Variants in KAT14 observed in about 807,000 individuals in gnomAD.
The protein encoded by KAT14 is cysteine-rich protein 2-binding protein.
KAT14 carries 66 observed loss-of-function variants against 78.4 expected under a neutral mutation model. The observed-to-expected ratio is 0.84, with a 90% CI of 0.69 to 1.03. KAT14 has a LOEUF of 1.03. Among genes scored for constraint, KAT14 ranks in the 50% least tolerant of loss-of-function variants. The pLI is 0.00. For synonymous variants in KAT14, 344 were observed against 359.4 expected (o/e 0.96, Z 0.48); for missense variants, 870 against 972.5 (o/e 0.89, Z 1.40).
intron 4 of KAT14, among the ~76,000 whole-genome samples, chr20:18,156,681 C>T (rs2038239076): frequency 6.6e-6 from 1 of 152,084 alleles, no homozygotes; most frequent in Admixed American, 6.6e-5. Context: ...TATTTTATGC[C>T]TCTCCCCTAG....
chr20:18,158,999 G>T (rs1182228636), intron 4 of KAT14, 85 bp from the exon 5 acceptor site: 3 of 1,452,438 alleles, frequency 2.1e-6, no homozygotes, highest in Non-Finnish European at 1.8e-6. Flanking sequence ...GCATGTTGCA[G>T]GCCAGGAGTC....
chr20:18,161,309 C>T (rs1229912978), intron 5 of KAT14, among the ~76,000 whole-genome samples: 1 of 152,086 alleles, frequency 6.6e-6, no homozygotes, highest in African/African-American at 2.4e-5. Flanking sequence ...CCCACCTCAG[C>T]CTCCCAAAGT....
At position 18,159,238 on chromosome 20, in the gene KAT14, T is replaced by C; in HGVS notation, c.655T>C (p.Leu219=). 2 of 1,614,042 alleles carry C rather than the reference T, an allele frequency of 1.2e-6. No homozygotes were observed. Among genetic ancestry groups the C allele is most frequent in the Non-Finnish European group, 1.7e-6 (2 of 1,180,002 alleles). The change falls in exon 5 of 11, where the codon TTG becomes CTG. Residue 219 remains leucine, a synonymous_variant. Transcript: ENST00000688188. ...PPTMKPEGEK[L]SASTLKIKAS... ...AACGATGAAACCTGAAGGAGAGAAG[T>C]TGTCTGCCTCTACTTTGAAAATAAA... is the stretch of plus-strand genomic sequence containing the variant.
intron 5 of KAT14, 54 bp from the exon 6 acceptor site, chr20:18,161,769 G>C: frequency 4.5e-6 from 7 of 1,558,698 alleles, no homozygotes; most frequent in Non-Finnish European, 6.1e-6. Context: ...ACATGCTTGT[G>C]CCCAAGCATT....
In KAT14 at chr20:18,142,483, G is replaced by T; in HGVS notation, c.-178G>T. 6.9e-7 allele frequency: 1 copy of T among 1,457,482 alleles called. No individual in the cohort carries two copies. Among genetic ancestry groups the T allele is most frequent in the Non-Finnish European group, 9.0e-7 (1 of 1,109,966 alleles). 90.3% of individuals were successfully genotyped at this position (1,457,482 alleles called of 1,614,324 possible). On this transcript the variant is annotated 5_prime_UTR_variant, in exon 2 of 11. Transcript: ENST00000688188. ...TCCTTTTAAACTTGATCAAATAAAG[G>T]ACAGTGGGTCATATAAGTTACTGCT...
chr20:18,144,812 C>T (rs1600216118), intron 2 of KAT14, among the ~76,000 whole-genome samples: 3 of 152,300 alleles, frequency 2.0e-5, no homozygotes, highest in Non-Finnish European at 4.4e-5. Context: ...CTATGCAGCC[C>T]TCAGGGAAGT....
chr20:18,181,496 G>C (rs985468632), intron 7 of KAT14, among the ~76,000 whole-genome samples: 2 of 150,380 alleles, frequency 1.3e-5, no homozygotes, highest in Non-Finnish European at 2.9e-5. Flanking sequence ...AGCCTCCCAA[G>C]TAGCTGGGAC....
At chr20:18,174,553 A>T (rs927073258) in intron 7 of KAT14, among the ~76,000 whole-genome samples, 1 of 151,868 alleles carries the variant, frequency 6.6e-6, no homozygotes, top group African/African-American at 2.4e-5. Context: ...TTTGATTTGC[A>T]TTTCTTTGAT....
intron 10 of KAT14, among the ~76,000 whole-genome samples, chr20:18,185,720 G>C (rs980989484): frequency 6.6e-6 from 1 of 152,012 alleles, no homozygotes; most frequent in African/African-American, 2.4e-5. Context: ...AAACCATTTG[G>C]TATGGAGGAT....
At chr20:18,177,430 C>G (rs2039088202) in intron 7 of KAT14, among the ~76,000 whole-genome samples, 1 of 152,204 alleles carries the variant, frequency 6.6e-6, no homozygotes, top group Non-Finnish European at 1.5e-5. Context: ...AAGGTCCACC[C>G]AGCTTCAGTG....
At chr20:18,185,593 T>C (rs1230708497) in intron 10 of KAT14, among the ~76,000 whole-genome samples, 1 of 152,260 alleles carries the variant, frequency 6.6e-6, no homozygotes, top group Non-Finnish European at 1.5e-5. Context: ...TATTGAATTA[T>C]AATTCATCCT....
In KAT14 at chr20:18,150,651, A is replaced by C. The variant is rs116963650; in HGVS notation, c.379-170A>C. Among the ~76,000 whole-genome samples, 699 of 152,294 alleles carry C rather than the reference A, an allele frequency of 4.6e-3. 7 individuals are homozygous for C. Among genetic ancestry groups the C allele is most frequent in the Admixed American group, 8.0e-3 (122 of 15,288 alleles). ...TTAGTGATAATCTAACGAAAGTAAA[A>C]AAGGAAGTAAATTCTACCCTGGGAA... On this transcript the variant is annotated intron_variant, in intron 3 of 10. Coordinates refer to ENST00000688188, the MANE Select transcript of KAT14 (RefSeq NM_001392073.1).
At chr20:18,150,723 T>G in intron 3 of KAT14, 98 bp from the exon 4 acceptor site, 1 of 1,561,978 alleles carries the variant, frequency 6.4e-7, no homozygotes, top group South Asian at 1.2e-5. Context: ...TCCCCACCAT[T>G]CCTACTCAGA....
intron 5 of KAT14, among the ~76,000 whole-genome samples, chr20:18,160,423 AT>A (rs1404175535): frequency 6.6e-6 from 1 of 151,980 alleles, no homozygotes; most frequent in Non-Finnish European, 1.5e-5. Flanking sequence ...TGAGTTTTCC[AT>A]TTTTGCCACA....
At chr20:18,146,051 A>G (rs1456630263) in intron 3 of KAT14, among the ~76,000 whole-genome samples, 1 of 152,198 alleles carries the variant, frequency 6.6e-6, no homozygotes, top group African/African-American at 2.4e-5. Flanking sequence ...AGATGTTTGA[A>G]TTTTTGTTTG....
chr20:18,154,616 G>C (rs1435486739), intron 4 of KAT14, among the ~76,000 whole-genome samples: 1 of 67,440 alleles, frequency 1.5e-5, no homozygotes, highest in African/African-American at 6.2e-5. Flanking sequence ...CTTCCTATCT[G>C]CCACCTTCCC....
At chr20:18,166,510 A>G (rs1280894656) in intron 7 of KAT14, among the ~76,000 whole-genome samples, 1 of 152,202 alleles carries the variant, frequency 6.6e-6, no homozygotes, top group Non-Finnish European at 1.5e-5. Flanking sequence ...AGACTTGAAG[A>G]AAGTTAGTCT....
chr20:18,187,799 T>C lies in KAT14; in HGVS notation c.*340T>C, dbSNP rs1391822511. 2 of 300,548 alleles carry C rather than the reference T, an allele frequency of 6.7e-6. No individual in the cohort carries two copies. The highest frequency in any genetic ancestry group is 1.2e-5 in the Non-Finnish European group (2 of 161,938). The allele number at this position is 300,548 out of a possible 1,614,324, so 18.6% of individuals were successfully genotyped here. ...TTGGAGAGAGATAACCTGTCTGTCA[T>C]AACTTAAAGGATGAGAAAATGTGGT... On this transcript the variant is annotated 3_prime_UTR_variant, in exon 11 of 11. Transcript: ENST00000688188.
intron 3 of KAT14, among the ~76,000 whole-genome samples, chr20:18,150,606 T>C (rs1823865373): frequency 6.6e-6 from 1 of 152,168 alleles, no homozygotes; most frequent in South Asian, 2.1e-4. Flanking sequence ...GATGCTTAGT[T>C]CTGCACATAA....
Sources: gnomAD v4.1 joint callset for allele counts (sites outside exome capture counted in the v4.1 genomes callset) on GRCh38, gnomAD v4.1.1 for gene constraint, MANE v1.5 for transcripts, NCBI Gene and HGNC (gene_info 2026-07-23, HGNC 2026-07-21) for gene names.